Variants in BMERB1 observed in about 807,000 individuals in gnomAD.
The protein encoded by BMERB1 is bMERB domain-containing protein 1.
In BMERB1, 12 loss-of-function variants were observed where a neutral mutation model predicts 23.6. The observed-to-expected ratio is 0.51, with a 90% CI of 0.33 to 0.82. BMERB1 has a LOEUF of 0.82. BMERB1 is among the 40% of genes least tolerant of loss of function. The pLI is 0.03. For missense variants in BMERB1, 247 were observed against 255.4 expected (o/e 0.97, Z 0.22); for synonymous variants, 122 against 96.6 (o/e 1.26, Z -1.54).
intron 2 of BMERB1, among the ~76,000 whole-genome samples, chr16:15,550,989 G>A (rs935277807): frequency 3.9e-5 from 6 of 152,172 alleles, no homozygotes; most frequent in African/African-American, 1.2e-4. Flanking sequence ...GGGAGAGGAC[G>A]CCACACAGTG....
chr16:15,528,824 T>A (rs192288130), intron 2 of BMERB1, among the ~76,000 whole-genome samples: 12 of 152,082 alleles, frequency 7.9e-5, no homozygotes, highest in Admixed American at 7.9e-4. Context: ...GGTGATTAGG[T>A]CATGAGGGCA....
chr16:15,532,928 G>A, intron 2 of BMERB1: 1 of 448,634 alleles, frequency 2.2e-6, no homozygotes, highest in Non-Finnish European at 4.5e-6. Context: ...TGGTAAGTGT[G>A]TTTACTTGCT....
intron 1 of BMERB1, among the ~76,000 whole-genome samples, chr16:15,487,957 C>T (rs929710035): frequency 6.6e-5 from 10 of 152,134 alleles, no homozygotes; most frequent in East Asian, 1.9e-4. Flanking sequence ...GCTTCTTTAC[C>T]GCAACCTGTT....
chr16:15,440,244 CAAAAAAA>C (rs57412464), intron 1 of BMERB1, among the ~76,000 whole-genome samples: 2 of 64,668 alleles, frequency 3.1e-5, no homozygotes, highest in Non-Finnish European at 5.6e-5. Flanking sequence ...GACTTAATCT[CAAAAAAA>C]AAAAAAAAAA....
chr16:15,576,092 G>A (rs958128124), intron 3 of BMERB1, among the ~76,000 whole-genome samples: 1 of 148,330 alleles, frequency 6.7e-6, no homozygotes, highest in Non-Finnish European at 1.5e-5. Context: ...AGGCTGGAGT[G>A]CAGTGGCGAG....
intron 2 of BMERB1, among the ~76,000 whole-genome samples, chr16:15,562,725 T>C (rs2030457708): frequency 6.6e-6 from 1 of 152,202 alleles, no homozygotes; most frequent in Admixed American, 6.5e-5. Flanking sequence ...GGGACCAAGA[T>C]TGCCCTGATG....
intron 1 of BMERB1, among the ~76,000 whole-genome samples, chr16:15,455,579 G>A (rs1051370902): frequency 6.6e-6 from 1 of 151,906 alleles, no homozygotes; most frequent in African/African-American, 2.4e-5. Context: ...TCCTGCCTCA[G>A]CCTCCCAAGC....
At chr16:15,530,402 C>G (rs1429744574) in intron 2 of BMERB1, among the ~76,000 whole-genome samples, 1 of 152,158 alleles carries the variant, frequency 6.6e-6, no homozygotes, top group Non-Finnish European at 1.5e-5. Context: ...CTGCAAATTT[C>G]CTTTTTAAAA....
At chr16:15,490,791 T>G (rs1218493841) in intron 1 of BMERB1, among the ~76,000 whole-genome samples, 1 of 152,240 alleles carries the variant, frequency 6.6e-6, no homozygotes, top group Non-Finnish European at 1.5e-5. Context: ...AGAAGTGAAG[T>G]TCATCTGCAT....
At chr16:15,508,117 C>T (rs1250442785) in intron 1 of BMERB1, among the ~76,000 whole-genome samples, 2 of 152,154 alleles carry the variant, frequency 1.3e-5, no homozygotes, top group Non-Finnish European at 2.9e-5. Context: ...TCCTGAGCCT[C>T]GACTTCCCCA....
At chr16:15,546,861 C>A (rs372971776) in intron 2 of BMERB1, among the ~76,000 whole-genome samples, 2 of 152,194 alleles carry the variant, frequency 1.3e-5, no homozygotes, top group African/African-American at 4.8e-5. Flanking sequence ...TTTCTTCACA[C>A]CCCCAATAAA....
intron 1 of BMERB1, among the ~76,000 whole-genome samples, chr16:15,434,976 G>A (rs949658019): frequency 6.6e-6 from 1 of 152,280 alleles, no homozygotes; most frequent in East Asian, 1.9e-4. Flanking sequence ...CACTGGGAGG[G>A]TTGGGAGATG....
At chr16:15,448,958 A>G (rs1163650429) in intron 1 of BMERB1, among the ~76,000 whole-genome samples, 1 of 152,102 alleles carries the variant, frequency 6.6e-6, no homozygotes, top group Admixed American at 6.5e-5. Context: ...TGTGATGGGT[A>G]TAGGCTGGGC....
chr16:15,461,981 A>T (rs1312427421), intron 1 of BMERB1, among the ~76,000 whole-genome samples: 1 of 151,656 alleles, frequency 6.6e-6, no homozygotes, highest in African/African-American at 2.4e-5. Context: ...ACAAACAAAA[A>T]ACTCCCCCAA....
intron 1 of BMERB1, among the ~76,000 whole-genome samples, chr16:15,470,541 T>TAAA (rs2051219725): frequency 6.6e-6 from 1 of 151,950 alleles, no homozygotes; most frequent in Non-Finnish European, 1.5e-5. Context: ...TTCTTTTTTT[T>TAAA]TTTTAGACAG....
intron 1 of BMERB1, among the ~76,000 whole-genome samples, chr16:15,462,395 G>A (rs1467057595): frequency 1.3e-5 from 2 of 151,646 alleles, no homozygotes; most frequent in African/African-American, 4.8e-5. Flanking sequence ...CTTGTGATCC[G>A]CCCGCCTTGG....
chr16:15,541,518 C>T (rs1196661758), intron 2 of BMERB1, among the ~76,000 whole-genome samples: 1 of 150,036 alleles, frequency 6.7e-6, no homozygotes, highest in East Asian at 2.0e-4. Flanking sequence ...GCCTTGACCT[C>T]CTAGGAGTGA....
chr16:15,539,296 G>A (rs1272457576), intron 2 of BMERB1, among the ~76,000 whole-genome samples: 1 of 152,108 alleles, frequency 6.6e-6, no homozygotes, highest in Non-Finnish European at 1.5e-5. Flanking sequence ...TGCAGCCGCT[G>A]ATCTGACAGG....
intron 2 of BMERB1, among the ~76,000 whole-genome samples, chr16:15,564,285 A>AT (rs1303805629): frequency 2.0e-5 from 3 of 152,182 alleles, no homozygotes; most frequent in African/African-American, 4.8e-5. Flanking sequence ...ACCATTCTAG[A>AT]TTTTTTACAT....
Sources: gnomAD v4.1 joint callset for allele counts (sites outside exome capture counted in the v4.1 genomes callset) on GRCh38, gnomAD v4.1.1 for gene constraint, MANE v1.5 for transcripts, NCBI Gene and HGNC (gene_info 2026-07-23, HGNC 2026-07-21) for gene names.